The following MYOM2 variants were observed in gnomAD, a reference collection of about 807,000 sequenced individuals.
MYOM2 encodes the protein myomesin-2.
A neutral mutation model predicts 187.6 loss-of-function variants in MYOM2; 254 were observed. The ratio of observed to expected loss-of-function variants is 1.35; its 90% CI spans 1.22 to 1.50. The LOEUF (loss-of-function observed/expected upper bound fraction) is 1.50. MYOM2 is among the 40% of genes most tolerant of loss of function. The pLI is 0.00. For missense variants in MYOM2, 2,796 were observed against 1,924.0 expected, an observed-to-expected ratio of 1.45 and a Z score of -8.48; for synonymous variants, 981 against 753.8, an observed-to-expected ratio of 1.30 and a Z score of -4.94.
At chr8:2,138,484 G>T (rs549102735) in intron 32 of MYOM2, among the ~76,000 whole-genome samples, 1 of 152,310 alleles carries the variant, frequency 6.6e-6, no homozygotes, top group African/African-American at 2.4e-5. Flanking sequence ...CGATTCTCCC[G>T]CCTCTTTCCG....
chr8:2,116,985 G>C (rs62478452), intron 27 of MYOM2, among the ~76,000 whole-genome samples: 5,385 of 152,132 alleles, frequency 0.035, 304 homozygotes, highest in African/African-American at 0.12. Context: ...GGATGGTCTC[G>C]ATCTCCTGAC....
chr8:2,071,814 C>T (rs1275658041), intron 8 of MYOM2, among the ~76,000 whole-genome samples: 1 of 152,168 alleles, frequency 6.6e-6, no homozygotes. Flanking sequence ...GGAGCCTCCT[C>T]CCGGGTTGCT....
rs1798262635 is a variant in MYOM2 at position 2,141,187 on chromosome 8, G to C, written c.4001+10G>C. 2 of 1,611,536 alleles carry C rather than the reference G, an allele frequency of 1.2e-6. No individual in the cohort carries two copies. Among genetic ancestry groups the C allele is most frequent in the East Asian group, 2.2e-5 (1 of 44,860 alleles). ...AATTCCAGCAATTCAAGTAAGATTTGTGTATTTAGTTACTATGATATCCTG... is the reference window on the plus strand; with the variant it reads ...AATTCCAGCAATTCAAGTAAGATTTCTGTATTTAGTTACTATGATATCCTG... On this transcript the variant is annotated intron_variant, in intron 34 of 36. Transcript: ENST00000262113.
intron 15 of MYOM2, 60 bp downstream of exon 15, chr8:2,090,251 A>T: frequency 2.0e-6 from 3 of 1,477,256 alleles, no homozygotes; most frequent in Non-Finnish European, 2.8e-6. Context: ...GTGACACCAA[A>T]TAGCCTTAAA....
chr8:2,133,440 C>T (rs575821220), intron 32 of MYOM2, among the ~76,000 whole-genome samples: 5 of 152,214 alleles, frequency 3.3e-5, no homozygotes, highest in Admixed American at 2.0e-4. Context: ...TCGGAGGCGC[C>T]GGCTCTGTTC....
At chr8:2,134,579 A>G (rs1039926070) in intron 32 of MYOM2, among the ~76,000 whole-genome samples, 1 of 119,638 alleles carries the variant, frequency 8.4e-6, no homozygotes, top group Non-Finnish European at 1.6e-5. Flanking sequence ...GAGGGGCTGA[A>G]GTTCCCTTTT....
At chr8:2,079,188 G>A (rs1408418725) in intron 12 of MYOM2, among the ~76,000 whole-genome samples, 1 of 136,682 alleles carries the variant, frequency 7.3e-6, no homozygotes, top group African/African-American at 3.0e-5. Flanking sequence ...AGTTAAATTG[G>A]CTCAGAATTA....
chr8:2,091,859 G>T (rs576916243), intron 15 of MYOM2, among the ~76,000 whole-genome samples: 2 of 152,340 alleles, frequency 1.3e-5, no homozygotes, highest in Admixed American at 6.5e-5. Flanking sequence ...GGCCTTACCT[G>T]ACCTCAGTCC....
chr8:2,129,762 C>T (rs879899232), intron 32 of MYOM2, among the ~76,000 whole-genome samples: 1 of 152,146 alleles, frequency 6.6e-6, no homozygotes, highest in Non-Finnish European at 1.5e-5. Context: ...CTCATGCAAC[C>T]CATAGCACTG....
intron 32 of MYOM2, among the ~76,000 whole-genome samples, chr8:2,136,715 A>AT (rs1400408467): frequency 3.3e-5 from 5 of 152,184 alleles, no homozygotes; most frequent in Non-Finnish European, 5.9e-5. Context: ...ATTTACAGCT[A>AT]TTTTATGAAT....
rs1819262492 is a variant in MYOM2, at chr8:2,072,430, G to T, written c.879G>T (p.Glu293Asp). 1 of 1,614,206 alleles carries T rather than the reference G, an allele frequency of 6.2e-7. No homozygotes were observed. Among genetic ancestry groups the T allele is most frequent in the Non-Finnish European group, 8.5e-7 (1 of 1,180,048 alleles). ...KFGVTFRREG[E>D]TVTLKCTMLV... is the part of the protein sequence containing the mutation. ...GGGTCACCTTCAGGAGGGAAGGCGA[G>T]ACGGTCACTCTCAAGTGCACCATGC... The change falls in exon 9 of 37, where the codon GAG becomes GAT. Residue 293 changes from glutamate to aspartate, a missense_variant. Physicochemically the swap from Glu to Asp is conservative, Grantham distance 45 (BLOSUM62 2). Transcript: ENST00000262113.
chr8:2,045,465 G>T (rs1432185525), intron 1 of MYOM2, among the ~76,000 whole-genome samples: 1 of 152,186 alleles, frequency 6.6e-6, no homozygotes, highest in Non-Finnish European at 1.5e-5. Flanking sequence ...TCTCATCGTG[G>T]CCCCAGGGGG....
chr8:2,102,560 A>C, intron 20 of MYOM2, 107 bp from the exon 21 acceptor site: 3 of 614,948 alleles, frequency 4.9e-6, no homozygotes, highest in South Asian at 5.5e-5. Context: ...CCTAACTGGA[A>C]AAATAAGCTA....
chr8:2,047,535 G>A (rs1245244280), intron 1 of MYOM2, among the ~76,000 whole-genome samples: 1 of 152,198 alleles, frequency 6.6e-6, no homozygotes, highest in Non-Finnish European at 1.5e-5. Flanking sequence ...TGTTTTCATT[G>A]TTGAAATCCA....
intron 32 of MYOM2, 137 bp from the exon 33 acceptor site, chr8:2,140,584 AAC>A: frequency 3.9e-6 from 3 of 775,018 alleles, no homozygotes; most frequent in Non-Finnish European, 4.0e-6. Flanking sequence ...ATACATTCGT[AAC>A]AGCCAGAATA....
At chr8:2,086,306 C>CTCCACTGTCGTGATCTCTGCGTGGCTT (rs1796043331) in intron 14 of MYOM2, among the ~76,000 whole-genome samples, 1 of 114,206 alleles carries the variant, frequency 8.8e-6, no homozygotes, top group African/African-American at 3.3e-5. Context: ...CCGCGTGGCC[C>CTCCACTGTCGTGATCTCTGCGTGGCTT]CCCACAGTCG....
At position 2,080,583 on chromosome 8, in the gene MYOM2, A is replaced by T. The variant is rs545411005; in HGVS notation, c.1516+970A>T. Among the ~76,000 whole-genome samples, 66 of 152,356 alleles carry T rather than the reference A, an allele frequency of 4.3e-4. 1 individual carries two copies. Among genetic ancestry groups the T allele is most frequent in the African/African-American group, 1.5e-3 (62 of 41,588 alleles). On this transcript the variant is annotated intron_variant, in intron 13 of 36. Transcript: ENST00000262113. ...GACCTAGAACTCAGGAAGGACACTC[A>T]ATACATAAGGAATGAAAGTGAGGGA... is the stretch of plus-strand genomic sequence containing the variant.
intron 9 of MYOM2, among the ~76,000 whole-genome samples, chr8:2,072,742 G>T (rs2294058): frequency 0.64 from 97,216 of 151,856 alleles, 33,116 homozygotes; most frequent in African/African-American, 0.9. Flanking sequence ...TAGAGACTGA[G>T]CGCTCGTACA....
In MYOM2 at chr8:2,052,296, G is replaced by A. The variant is rs749763786; in HGVS notation, c.246G>A (p.Glu82=). The A allele has an allele frequency of 6.2e-7, 1 of 1,604,860 alleles. No homozygotes were observed. The highest frequency in any genetic ancestry group is 1.1e-5 in the South Asian group (1 of 89,616). ...GAGTGAGCACGCAGGAAGATGAGGA[G>A]CAGGAGAACAGAAGCAGGTGAGCAC... ...AKRVSTQEDE[E]QENRSRYQSL... The change falls in exon 3 of 37, where the codon GAG becomes GAA. Residue 82 remains glutamate (E), a synonymous_variant. Coordinates refer to ENST00000262113, the MANE Select transcript of MYOM2 (RefSeq NM_003970.4).
Sources: allele counts gnomAD v4.1 joint callset (sites outside exome capture counted in the v4.1 genomes callset), GRCh38; gene constraint gnomAD v4.1.1; transcripts MANE v1.5; gene names NCBI Gene and HGNC (gene_info 2026-07-23, HGNC 2026-07-21).